The following MBNL1 variants were observed in gnomAD, a reference collection of about 807,000 sequenced individuals.
The protein encoded by MBNL1 is muscleblind like splicing regulator 1, also known as muscleblind-like protein 1.
A neutral mutation model predicts 42.2 loss-of-function variants in MBNL1; 8 were observed. That is an observed-to-expected ratio of 0.19 (90% CI 0.11 to 0.34). MBNL1 has a LOEUF of 0.34. MBNL1 is among the 10% of genes least tolerant of loss of function. MBNL1 has a pLI of 1.00. For missense variants in MBNL1, 309 were observed against 495.3 expected (o/e 0.62, Z 3.57); for synonymous variants, 169 against 173.9 (o/e 0.97, Z 0.22).
intron 2 of MBNL1, among the ~76,000 whole-genome samples, chr3:152,354,824 A>C (rs556140529): frequency 3.9e-5 from 6 of 152,316 alleles, no homozygotes; most frequent in African/African-American, 1.4e-4. Context: ...ATTGAAATTC[A>C]GTGTTTAAAT....
chr3:152,316,511 A>G (rs1215337493), intron 2 of MBNL1, among the ~76,000 whole-genome samples: 1 of 152,176 alleles, frequency 6.6e-6, no homozygotes, highest in Admixed American at 6.6e-5. Context: ...CACAAAGCAG[A>G]AGAGACTTGG....
intron 1 of MBNL1, among the ~76,000 whole-genome samples, chr3:152,284,789 A>G (rs1028425773): frequency 6.6e-6 from 1 of 152,130 alleles, no homozygotes; most frequent in African/African-American, 2.4e-5. Flanking sequence ...TTCTGCAGAC[A>G]TATTTTAAGC....
In MBNL1 at chr3:152,372,382, T is replaced by C. The variant is rs191530030; in HGVS notation, c.175-42559T>C. On this transcript the variant is annotated intron_variant, in intron 2 of 9. Transcript: ENST00000324210. The stretch of plus-strand genomic sequence containing the variant: ...CCTTGGAGGAGAAGAGGTGTTCTGG[T>C]TTTTGGAATTTTCAGCCTTCTTGTG... 7.7e-4 allele frequency among the ~76,000 whole-genome samples: 117 copies of C among 152,286 alleles called. 1 individual carries two copies. Among genetic ancestry groups the C allele is most frequent in the Middle Eastern group, 3.4e-3 (1 of 292 alleles).
chr3:152,446,794 C>T, intron 5 of MBNL1: 1 of 1,571,852 alleles, frequency 6.4e-7, no homozygotes, highest in South Asian at 1.2e-5. Context: ...TGGCATGTAG[C>T]TTTATTGTAG....
At chr3:152,265,280 G>C (rs1307743630), upstream of MBNL1, 1 of 152,112 alleles carries the variant, frequency 6.6e-6, no homozygotes, top group African/African-American at 2.4e-5. Context: ...TTCTGGTTTT[G>C]ACACCATCTT....
intron 2 of MBNL1, among the ~76,000 whole-genome samples, chr3:152,321,472 T>C (rs2076460463): frequency 6.6e-6 from 1 of 152,022 alleles, no homozygotes. Flanking sequence ...AGAGGGTAAG[T>C]CCCTGGTAAT....
In MBNL1 at chr3:152,326,778, ATTAT is replaced by A. The variant is rs3988216; in HGVS notation, c.174+26449_174+26452del. 1.8e-3 allele frequency among the ~76,000 whole-genome samples: 253 copies of A among 142,006 alleles called. 1 individual carries two copies. Among genetic ancestry groups the A allele is most frequent in the South Asian group, 9.8e-3 (43 of 4,378 alleles). The allele number at this position is 142,006 out of a possible 152,430, so 93.2% of individuals were successfully genotyped here. On this transcript the variant is annotated intron_variant, in intron 2 of 9. Transcript: ENST00000324210. ...TCTAAAAAATTTTTCCCTTGGGAAA[ATTAT>A]TTATTTATTTATTTATTTATTTATT... is the stretch of plus-strand genomic sequence containing the variant.
chr3:152,335,296 A>G, intron 2 of MBNL1: 1 of 1,271,916 alleles, frequency 7.9e-7, no homozygotes, highest in Non-Finnish European at 1.0e-6. Context: ...CTGCTCGCTC[A>G]AGGCCTGAGA....
chr3:152,416,487 C>T (rs1361879973), intron 3 of MBNL1, among the ~76,000 whole-genome samples: 1 of 152,184 alleles, frequency 6.6e-6, no homozygotes, highest in Non-Finnish European at 1.5e-5. Flanking sequence ...ACAAAAGTCT[C>T]ATTTGCACTT....
At chr3:152,257,596 C>T (rs114269473) in intron 2 of MBNL1, among the ~76,000 whole-genome samples, 253 of 152,216 alleles carry the variant, frequency 1.7e-3, no homozygotes, top group Non-Finnish European at 2.8e-3. Context: ...TAGTACTTAG[C>T]AACACATAAT....
In MBNL1 at chr3:152,463,123, G is replaced by A. The variant is rs1364013416; in HGVS notation, c.*757G>A. On this transcript the variant is annotated 3_prime_UTR_variant, in exon 10 of 10. Transcript: ENST00000324210. ...GTTGCATATTTGCTAGTACTAATCA[G>A]TCAAAGGGCACCATTCTTTTTTTTT... is the stretch of plus-strand genomic sequence containing the variant. 1.3e-5 allele frequency: 2 copies of A among 150,110 alleles called. No individual in the cohort carries two copies. The highest frequency in any genetic ancestry group is 4.9e-5 in the African/African-American group (2 of 40,852). The allele number at this position is 150,110 out of a possible 1,614,324, so 9.3% of individuals were successfully genotyped here.
intron 2 of MBNL1, among the ~76,000 whole-genome samples, chr3:152,397,725 ATAT>A (rs1390323952): frequency 6.6e-6 from 1 of 152,174 alleles, no homozygotes; most frequent in South Asian, 2.1e-4. Flanking sequence ...ATTGACTAAC[ATAT>A]TATAAATATT....
At chr3:152,314,171 T>C (rs1429970246) in intron 2 of MBNL1, among the ~76,000 whole-genome samples, 2 of 152,244 alleles carry the variant, frequency 1.3e-5, no homozygotes. Context: ...TTTTTCATGA[T>C]TGCACTATTC....
intron 1 of MBNL1, 73 bp from the exon 2 acceptor site, chr3:152,299,332 G>A (rs2059889380): frequency 5.4e-6 from 1 of 184,354 alleles, no homozygotes; most frequent in East Asian, 1.3e-4. Context: ...GTATCACATG[G>A]CAAGGTTGTG....
rs1207835226 is a variant in MBNL1, at chr3:152,370,971, T to C, written c.175-43970T>C. Among the ~76,000 whole-genome samples the C allele has an allele frequency of 1.2e-4, 18 of 152,196 alleles. 1 individual carries two copies. On this transcript the variant is annotated intron_variant, in intron 2 of 9. Transcript: ENST00000324210. Reference sequence around the variant, plus strand: ...TATTCAATTTGCCAGTCTGTGTCTTTTAACGGGGGCATTTAGCCTGTTTAC... The same window carrying C: ...TATTCAATTTGCCAGTCTGTGTCTTCTAACGGGGGCATTTAGCCTGTTTAC...
At chr3:152,376,879 G>A (rs1211181430) in intron 2 of MBNL1, among the ~76,000 whole-genome samples, 2 of 152,126 alleles carry the variant, frequency 1.3e-5, no homozygotes, top group African/African-American at 4.8e-5. Context: ...TTCACCTGAA[G>A]TCTGCATGCT....
At chr3:152,340,732 C>T (rs1041846173) in intron 2 of MBNL1, 32 of 1,613,988 alleles carry the variant, frequency 2.0e-5, no homozygotes, top group East Asian at 1.1e-4. Context: ...CTTTGGATTC[C>T]GTGATGGCTG....
chr3:152,397,993 T>C (rs2098052204), intron 2 of MBNL1, among the ~76,000 whole-genome samples: 1 of 152,264 alleles, frequency 6.6e-6, no homozygotes, highest in Non-Finnish European at 1.5e-5. Context: ...CACAATTTAT[T>C]CATTTATATT....
Position 152,459,288 on chromosome 3 carries a change from C to G in MBNL1, c.1110C>G (p.Ala370=). The G allele has an allele frequency of 6.3e-7, 1 of 1,581,644 alleles. No homozygotes were observed. Residue 370 remains alanine (A), a synonymous_variant, in exon 9 of 10, where the codon GCC becomes GCG. Transcript: ENST00000324210. ...TTTGCTAGATACCCATAATATCTGC[C>G]GAACATCTGACTAGCCACAAGTATG... ...ATANQIPIIS[A]EHLTSHKYVT... is the part of the protein sequence containing the mutation.
Sources: allele counts gnomAD v4.1 joint callset (sites outside exome capture counted in the v4.1 genomes callset), GRCh38; gene constraint gnomAD v4.1.1; transcripts MANE v1.5; gene names NCBI Gene and HGNC (gene_info 2026-07-23, HGNC 2026-07-21).